The following FAF1 variants were observed in gnomAD, a reference collection of about 807,000 sequenced individuals.
FAF1 encodes the protein Fas associated factor 1.
In FAF1, 25 loss-of-function variants were observed where a neutral mutation model predicts 92.5. The ratio of observed to expected loss-of-function variants is 0.27; its 90% CI spans 0.20 to 0.38. FAF1 has a LOEUF of 0.38. Among genes scored for constraint, FAF1 ranks in the 10% least tolerant of loss-of-function variants. The probability of loss-of-function intolerance (pLI) is 1.00; values close to 1 mark genes in which losing one functional copy is unlikely to be tolerated. For missense variants in FAF1, 636 were observed against 793.3 expected, an observed-to-expected ratio of 0.80 and a Z score of 2.38; for synonymous variants, 234 against 273.2, an observed-to-expected ratio of 0.86 and a Z score of 1.42.
intron 7 of FAF1, among the ~76,000 whole-genome samples, chr1:50,656,577 G>T (rs115108083): frequency 0.058 from 8,835 of 152,184 alleles, 370 homozygotes; most frequent in Non-Finnish European, 0.089. Flanking sequence ...TAAACTCTAC[G>T]TCAGCCAGTA....
intron 1 of FAF1, among the ~76,000 whole-genome samples, chr1:50,957,347 CTTT>C (rs1188286312): frequency 4.3e-4 from 45 of 104,228 alleles, no homozygotes; most frequent in Admixed American, 1.8e-3. Flanking sequence ...TTTTCATTTT[CTTT>C]TTTTTTTTTT....
chr1:50,834,405 A>G (rs1269147188), intron 2 of FAF1, among the ~76,000 whole-genome samples: 4 of 152,220 alleles, frequency 2.6e-5, no homozygotes, highest in Non-Finnish European at 4.4e-5. Context: ...CACTACCAAC[A>G]TGTCATCTCT....
intron 9 of FAF1, among the ~76,000 whole-genome samples, chr1:50,585,421 A>G (rs965102111): frequency 1.3e-5 from 2 of 152,236 alleles, no homozygotes; most frequent in Non-Finnish European, 1.5e-5. Context: ...CTGAGAATTT[A>G]CTACCTGCTG....
chr1:50,908,350 T>G (rs1644856431), intron 1 of FAF1, among the ~76,000 whole-genome samples: 1 of 152,258 alleles, frequency 6.6e-6, no homozygotes, highest in African/African-American at 2.4e-5. Context: ...TATATTCTGC[T>G]GACCTGGGGT....
At chr1:50,442,556 C>T (rs1278396217) in intron 18 of FAF1, among the ~76,000 whole-genome samples, 1 of 152,198 alleles carries the variant, frequency 6.6e-6, no homozygotes, top group Non-Finnish European at 1.5e-5. Flanking sequence ...TGGGCAACTC[C>T]AAGTGTGTGA....
At chr1:50,673,905 AAAGT>A (rs1377669440) in intron 7 of FAF1, among the ~76,000 whole-genome samples, 1 of 152,142 alleles carries the variant, frequency 6.6e-6, no homozygotes, top group Non-Finnish European at 1.5e-5. Context: ...CAAACTCTCC[AAAGT>A]AAGTAGCAGA....
chr1:50,727,900 C>T (rs1156551199), intron 6 of FAF1, among the ~76,000 whole-genome samples: 1 of 152,172 alleles, frequency 6.6e-6, no homozygotes, highest in East Asian at 1.9e-4. Flanking sequence ...GGACCTTTGG[C>T]CACAGACTGA....
At chr1:50,903,905 C>T (rs1407494423) in intron 1 of FAF1, among the ~76,000 whole-genome samples, 1 of 152,172 alleles carries the variant, frequency 6.6e-6, no homozygotes, top group African/African-American at 2.4e-5. Context: ...TCTACTGGAA[C>T]CTCACAAAAC....
chr1:50,804,193 A>G (rs1321018866), intron 2 of FAF1, among the ~76,000 whole-genome samples: 1 of 152,212 alleles, frequency 6.6e-6, no homozygotes, highest in Non-Finnish European at 1.5e-5. Flanking sequence ...ACGTAGGACC[A>G]AGTATATTCA....
chr1:50,782,680 C>T (rs1661221566), intron 4 of FAF1, among the ~76,000 whole-genome samples: 1 of 151,990 alleles, frequency 6.6e-6, no homozygotes, highest in African/African-American at 2.4e-5. Flanking sequence ...TGTGCCCATC[C>T]TCAAAAAGTT....
chr1:50,858,194 A>G (rs1366106613), intron 1 of FAF1, among the ~76,000 whole-genome samples, 197 bp from the exon 2 acceptor site: 1 of 151,848 alleles, frequency 6.6e-6, no homozygotes, highest in Non-Finnish European at 1.5e-5. Flanking sequence ...GTAAATTTAC[A>G]TTGCTCTGAA....
chr1:50,451,964 TC>T, intron 18 of FAF1: 1 of 1,157,548 alleles, frequency 8.6e-7, no homozygotes, highest in Non-Finnish European at 1.1e-6. Context: ...TGTAACCTTC[TC>T]CTTGCAGTGG....
chr1:50,573,452 T>C (rs1019572466), intron 12 of FAF1, among the ~76,000 whole-genome samples: 13 of 152,028 alleles, frequency 8.6e-5, no homozygotes, highest in Admixed American at 7.2e-4. Flanking sequence ...GTAAAAAAGA[T>C]AAAAAACAAA....
intron 7 of FAF1, among the ~76,000 whole-genome samples, chr1:50,696,296 T>G (rs1368800400): frequency 6.6e-6 from 1 of 152,182 alleles, no homozygotes; most frequent in Non-Finnish European, 1.5e-5. Context: ...ACAGGCCTAA[T>G]TTTCCTTTAT....
At chr1:50,665,542 G>A (rs1418388707) in intron 7 of FAF1, among the ~76,000 whole-genome samples, 1 of 152,170 alleles carries the variant, frequency 6.6e-6, no homozygotes, top group Admixed American at 6.5e-5. Context: ...AGAGCCCAGA[G>A]GTCAAATCCA....
chr1:50,599,835 T>C (rs377531239), intron 8 of FAF1, among the ~76,000 whole-genome samples: 2 of 152,162 alleles, frequency 1.3e-5, no homozygotes, highest in East Asian at 3.9e-4. Context: ...TAGACAAGTA[T>C]CCCTTATTTA....
At chr1:50,504,551 A>C (rs546808237) in intron 15 of FAF1, among the ~76,000 whole-genome samples, 1 of 152,296 alleles carries the variant, frequency 6.6e-6, no homozygotes, top group South Asian at 2.1e-4. Context: ...TCTAGAAGAG[A>C]ATACAGTGGA....
chr1:50,621,391 CTTTTTT>C (rs36053834), intron 8 of FAF1, among the ~76,000 whole-genome samples: 11 of 89,230 alleles, frequency 1.2e-4, no homozygotes, highest in Non-Finnish European at 2.0e-4. Context: ...TTCTTTTTTT[CTTTTTT>C]TTTTTTTTTT....
chr1:50,787,410 A>G (rs1044706402), intron 4 of FAF1, among the ~76,000 whole-genome samples: 1 of 152,214 alleles, frequency 6.6e-6, no homozygotes, highest in African/African-American at 2.4e-5. Context: ...AAAGAGTTTG[A>G]TGAAGGGAGT....
Sources: allele counts gnomAD v4.1 joint callset (sites outside exome capture counted in the v4.1 genomes callset), GRCh38; gene constraint gnomAD v4.1.1; transcripts MANE v1.5; gene names NCBI Gene and HGNC (gene_info 2026-07-23, HGNC 2026-07-21).